DDX60: variants seen among roughly 807,000 people sequenced by gnomAD.
The protein encoded by DDX60 is DExD/H-box helicase 60.
A neutral mutation model predicts 212.8 loss-of-function variants in DDX60; 165 were observed. That is an observed-to-expected ratio of 0.78 (90% CI 0.68 to 0.88). DDX60 has a LOEUF of 0.88. Ranked by LOEUF, DDX60 falls within the 40% of genes least tolerant of loss-of-function variation. The pLI, the probability that DDX60 is intolerant of heterozygous loss-of-function variation, is 0.00. For missense variants in DDX60, 1,905 were observed against 2,003.9 expected (o/e 0.95, Z 0.94); for synonymous variants, 703 against 685.3 (o/e 1.03, Z -0.40).
Position 168,311,392 on chromosome 4 carries a change from C to A in DDX60, c.-106-27G>T, listed in dbSNP as rs1579087995. 14 of 865,530 alleles carry A rather than the reference C, an allele frequency of 1.6e-5. No individual in the cohort carries two copies. The South Asian group carries it at 2.1e-4, about 13-fold the overall frequency. 53.6% of individuals were successfully genotyped at this position (865,530 alleles called of 1,614,324 possible). A position where few individuals can be genotyped will look rare whatever the true frequency, so the allele number is the denominator to read the frequency against. On this transcript the variant is annotated intron_variant, in intron 1 of 37. Transcript: ENST00000393743. ...TGCAAAAAAAGAAAAGAAAATGAGT[C>A]TTTATTCAACAAACATGTATTGAAT... is the stretch of plus-strand genomic sequence containing the variant.
At chr4:168,234,945 A>C (rs1463579221) in intron 33 of DDX60, among the ~76,000 whole-genome samples, 1 of 152,108 alleles carries the variant, frequency 6.6e-6, no homozygotes, top group Non-Finnish European at 1.5e-5. Context: ...GGATTTCTTA[A>C]GATTTTGAGA....
intron 22 of DDX60, 47 bp downstream of exon 22, chr4:168,267,535 A>G: frequency 1.1e-6 from 1 of 927,852 alleles, no homozygotes; most frequent in Non-Finnish European, 1.5e-6. Flanking sequence ...TAATATATAC[A>G]AATATTTTAT....
At chr4:168,256,497 G>A (rs191794722) in intron 25 of DDX60, among the ~76,000 whole-genome samples, 1 of 152,178 alleles carries the variant, frequency 6.6e-6, no homozygotes, top group African/African-American at 2.4e-5. Flanking sequence ...CTAGCAACCT[G>A]GTCTAGGTTG....
At chr4:168,268,996 AACTG>A in intron 19 of DDX60, 27 bp from the exon 20 acceptor site, 6 of 1,308,920 alleles carry the variant, frequency 4.6e-6, no homozygotes, top group Non-Finnish European at 5.3e-6. Flanking sequence ...AAAAAATCTC[AACTG>A]AAAAGTTGAT....
In DDX60 at chr4:168,294,080, C is replaced by T. The variant is rs117834799; in HGVS notation, c.724-135G>A. ...ATCTGTACAACAAACCCCCGTGACA[C>T]AAGTTTACCTCCATAAAAAACCTAC... On this transcript the variant is annotated intron_variant, in intron 6 of 37. Transcript: ENST00000393743. The T allele has an allele frequency of 0.017, 11,920 of 688,060 alleles. 732 individuals are homozygous for T. In the East Asian group the frequency reaches 0.18, roughly 10 times the overall value. The allele number at this position is 688,060 out of a possible 1,614,324, so 42.6% of individuals were successfully genotyped here. A position where few individuals can be genotyped will look rare whatever the true frequency, so the allele number is the denominator to read the frequency against.
intron 36 of DDX60, among the ~76,000 whole-genome samples, chr4:168,221,445 A>G (rs537358653): frequency 3.3e-4 from 50 of 152,162 alleles, no homozygotes; most frequent in Non-Finnish European, 5.6e-4. Flanking sequence ...AAATACAAAT[A>G]TATCTATGAG....
chr4:168,217,758 T>C (rs2149488349), intron 37 of DDX60, among the ~76,000 whole-genome samples: 1 of 152,020 alleles, frequency 6.6e-6, no homozygotes, highest in South Asian at 2.1e-4. Context: ...GCTTTGGAGA[T>C]GAAAGGGAGC....
chr4:168,272,729 C>T (rs1426873658), intron 18 of DDX60, among the ~76,000 whole-genome samples: 1 of 152,214 alleles, frequency 6.6e-6, no homozygotes, highest in Non-Finnish European at 1.5e-5. Flanking sequence ...ATCTTAACCA[C>T]ACTCCCCACA....
At chr4:168,284,020 G>A (rs1735710709) in intron 12 of DDX60, among the ~76,000 whole-genome samples, 1 of 152,134 alleles carries the variant, frequency 6.6e-6, no homozygotes, top group Non-Finnish European at 1.5e-5. Context: ...CCCAGAGCAT[G>A]GCAGCTAAAA....
intron 34 of DDX60, 125 bp downstream of exon 34, chr4:168,225,404 G>A: frequency 9.8e-7 from 1 of 1,019,522 alleles, no homozygotes; most frequent in Non-Finnish European, 1.4e-6. Context: ...GAAAGGAAAA[G>A]GAATCTCCTC....
intron 3 of DDX60, among the ~76,000 whole-genome samples, chr4:168,310,508 CATCCCAGA>C (rs1737082218): frequency 6.6e-6 from 1 of 152,174 alleles, no homozygotes; most frequent in African/African-American, 2.4e-5. Context: ...ATTTTCTCTT[CATCCCAGA>C]ATCAAATATT....
chr4:168,280,268 G>A lies in DDX60; in HGVS notation c.1978+67C>T, dbSNP rs926517789. The A allele has an allele frequency of 7.9e-6, 12 of 1,522,416 alleles. No individual in the cohort carries two copies. The Admixed American group carries it at 2.4e-4, about 30-fold the overall frequency. 94.3% of individuals were successfully genotyped at this position (1,522,416 alleles called of 1,614,324 possible). On this transcript the variant is annotated intron_variant, in intron 14 of 37. Coordinates refer to ENST00000393743, the MANE Select transcript of DDX60 (RefSeq NM_017631.6). ...AATGCAAATTTCCAGTTAACAAATG[G>A]CAACTATCATCATTACATTTGTATT...
At chr4:168,276,239 A>T (rs1735336619) in intron 14 of DDX60, 58 bp from the exon 15 acceptor site, 2 of 1,381,372 alleles carry the variant, frequency 1.4e-6, no homozygotes, top group Non-Finnish European at 2.0e-6. Flanking sequence ...AATTCATTTG[A>T]TTACCCAAGA....
intron 29 of DDX60, among the ~76,000 whole-genome samples, 180 bp downstream of exon 29, chr4:168,248,008 A>T (rs972227150): frequency 6.6e-6 from 1 of 152,200 alleles, no homozygotes; most frequent in African/African-American, 2.4e-5. Flanking sequence ...TTAATCACAC[A>T]ATCCCAAATG....
intron 12 of DDX60, among the ~76,000 whole-genome samples, chr4:168,284,186 C>CA (rs1735716665): frequency 6.6e-6 from 1 of 152,176 alleles, no homozygotes; most frequent in South Asian, 2.1e-4. Flanking sequence ...CACTCCGAAG[C>CA]ATGTTAATGG....
chr4:168,222,198 A>G (rs1364730700), intron 35 of DDX60, among the ~76,000 whole-genome samples: 4 of 152,208 alleles, frequency 2.6e-5, no homozygotes, highest in African/African-American at 9.6e-5. Context: ...TATTGGTGAA[A>G]GGAATTTACT....
intron 37 of DDX60, among the ~76,000 whole-genome samples, chr4:168,218,980 A>G (rs182030177): frequency 2.0e-5 from 3 of 152,104 alleles, no homozygotes; most frequent in African/African-American, 2.4e-5. Context: ...AAGCAGGTAT[A>G]TCAATTTAAT....
intron 30 of DDX60, among the ~76,000 whole-genome samples, chr4:168,245,945 G>C (rs1031384687): frequency 4.6e-5 from 7 of 152,032 alleles, no homozygotes; most frequent in African/African-American, 1.7e-4. Flanking sequence ...ATGTCTTTGG[G>C]GAGTGGAACA....
chr4:168,261,933 T>TAACTGAATGATATAACTCAAGAA, intron 24 of DDX60, 67 bp downstream of exon 24: 1 of 1,521,478 alleles, frequency 6.6e-7, no homozygotes, highest in South Asian at 1.3e-5. Flanking sequence ...AAAATGGTAT[T>TAACTGAATGATATAACTCAAGAA]AACTGAATGA....
Sources: allele counts gnomAD v4.1 joint callset (sites outside exome capture counted in the v4.1 genomes callset), GRCh38; gene constraint gnomAD v4.1.1; transcripts MANE v1.5; gene names NCBI Gene and HGNC (gene_info 2026-07-23, HGNC 2026-07-21).